GALNT17: variants seen among roughly 807,000 people sequenced by gnomAD.
GALNT17 encodes the protein UDP-GalNAc:polypeptide N-acetylgalactosaminyltransferase-like 3.
GALNT17 carries 29 observed loss-of-function variants against 63.7 expected under a neutral mutation model. That is an observed-to-expected ratio of 0.46 (90% CI 0.34 to 0.62). The LOEUF is 0.62. Ranked by LOEUF, GALNT17 falls within the 20% of genes least tolerant of loss-of-function variation. The pLI is 0.01. For missense variants in GALNT17, 603 were observed against 799.6 expected, an observed-to-expected ratio of 0.75 and a Z score of 2.97; for synonymous variants, 305 against 318.3, an observed-to-expected ratio of 0.96 and a Z score of 0.45.
chr7:71,466,915 CA>C (rs1423832182), intron 5 of GALNT17, among the ~76,000 whole-genome samples: 2 of 151,996 alleles, frequency 1.3e-5, no homozygotes, highest in African/African-American at 4.8e-5. Context: ...TGCATAAAAC[CA>C]TGTGCCCAAG....
At position 71,655,116 on chromosome 7, in the gene GALNT17, G is replaced by A. The variant is rs973414415; in HGVS notation, c.1081-10295G>A. On this transcript the variant is annotated intron_variant, in intron 6 of 10. Coordinates refer to ENST00000333538, the MANE Select transcript of GALNT17 (RefSeq NM_022479.3). The stretch of plus-strand genomic sequence containing the variant: ...CCTACAAAATATTCAAAAATTAGGC[G>A]TAGTAGTGTTCAGCTGTGGTCCCAG... Among the ~76,000 whole-genome samples, 6 of 152,150 alleles carry A rather than the reference G, an allele frequency of 3.9e-5. No individual in the cohort carries two copies. The East Asian group carries it at 7.8e-4, about 20-fold the overall frequency.
intron 6 of GALNT17, among the ~76,000 whole-genome samples, chr7:71,616,257 A>G (rs1215813987): frequency 6.6e-6 from 1 of 151,722 alleles, no homozygotes; most frequent in Admixed American, 6.6e-5. Flanking sequence ...CTGAAGCTGA[A>G]CTTGAAGACA....
chr7:71,472,657 G>A (rs568786410), intron 5 of GALNT17, among the ~76,000 whole-genome samples: 142 of 152,348 alleles, frequency 9.3e-4, no homozygotes, highest in African/African-American at 3.3e-3. Context: ...CTGCCCTCCA[G>A]CCTGGGGACA....
chr7:71,254,889 C>T (rs550269842), intron 1 of GALNT17, among the ~76,000 whole-genome samples: 1 of 152,310 alleles, frequency 6.6e-6, no homozygotes, highest in African/African-American at 2.4e-5. Context: ...ATCTTGTTGT[C>T]TGTCTGAGGA....
chr7:71,219,013 C>T (rs1789535468), intron 1 of GALNT17, among the ~76,000 whole-genome samples: 1 of 152,162 alleles, frequency 6.6e-6, no homozygotes, highest in Admixed American at 6.5e-5. Context: ...TTCTATGAAA[C>T]TTGTCCCTGG....
At chr7:71,341,741 C>T (rs1792008639) in intron 2 of GALNT17, among the ~76,000 whole-genome samples, 2 of 152,164 alleles carry the variant, frequency 1.3e-5, no homozygotes, top group African/African-American at 4.8e-5. Context: ...AATGTAGGCT[C>T]TTAACAATTT....
chr7:71,304,083 A>T (rs537965445), intron 1 of GALNT17, among the ~76,000 whole-genome samples: 98 of 152,186 alleles, frequency 6.4e-4, no homozygotes, highest in African/African-American at 2.3e-3. Context: ...TCTGCTCAAT[A>T]CCCTTGAGCA....
chr7:71,599,273 A>T (rs1789931602), intron 6 of GALNT17, among the ~76,000 whole-genome samples: 5 of 152,158 alleles, frequency 3.3e-5, no homozygotes, highest in Admixed American at 2.6e-4. Context: ...GTCCAATTGC[A>T]TTGGGAAGCC....
At position 71,710,890 on chromosome 7, in the gene GALNT17, G is replaced by A. The variant is rs143185553; in HGVS notation, c.1630G>A (p.Val544Ile). 5.8e-5 allele frequency: 94 copies of A among 1,613,948 alleles called. No homozygotes were observed. The African/African-American group carries it at 1.1e-3, about 20-fold the overall frequency. The change falls in exon 10 of 11, where the codon GTC becomes ATC. Residue 544 changes from valine (V) to isoleucine (I), a missense_variant. Val to Ile is a conservative substitution (Grantham distance 29, BLOSUM62 3). This residue lies in a region of GALNT17 where 72 missense variants were observed against 76.9 expected (regional missense o/e 0.94). Coordinates refer to ENST00000333538, the MANE Select transcript of GALNT17 (RefSeq NM_022479.3). ...GCCCCAGCTCCTGGACTGCGACAAG[G>A]TCAAGAGCAGCCTGTACAAGCGCTG... ...RLPQLLDCDK[V>I]KSSLYKRWNF...
chr7:71,655,134 G>C (rs1180628774), intron 6 of GALNT17, among the ~76,000 whole-genome samples: 1 of 151,992 alleles, frequency 6.6e-6, no homozygotes, highest in Non-Finnish European at 1.5e-5. Flanking sequence ...GTTCAGCTGT[G>C]GTCCCAGCTA....
At chr7:71,359,478 C>T (rs765240713) in intron 2 of GALNT17, among the ~76,000 whole-genome samples, 1 of 152,150 alleles carries the variant, frequency 6.6e-6, no homozygotes, top group Non-Finnish European at 1.5e-5. Context: ...GAGGGGTCGG[C>T]CCCATGACCC....
intron 6 of GALNT17, among the ~76,000 whole-genome samples, chr7:71,648,901 A>G (rs1437150275): frequency 6.6e-6 from 1 of 152,220 alleles, no homozygotes; most frequent in African/African-American, 2.4e-5. Context: ...TGACTCCAGG[A>G]CTATCTTTCT....
At chr7:71,207,454 A>G (rs1465273496) in intron 1 of GALNT17, among the ~76,000 whole-genome samples, 2 of 152,072 alleles carry the variant, frequency 1.3e-5, no homozygotes, top group African/African-American at 2.4e-5. Context: ...TTTGTCTTTT[A>G]TAGTGATGTG....
intron 9 of GALNT17, among the ~76,000 whole-genome samples, chr7:71,700,300 T>TC (rs1791612504): frequency 7.4e-6 from 1 of 135,948 alleles, no homozygotes; most frequent in Non-Finnish European, 1.6e-5. Flanking sequence ...ATAGTGAGAC[T>TC]TTCTCAAAAA....
At chr7:71,690,818 G>A (rs1048271559) in intron 9 of GALNT17, among the ~76,000 whole-genome samples, 22 of 152,274 alleles carry the variant, frequency 1.4e-4, no homozygotes, top group Middle Eastern at 3.4e-3. Context: ...AATGGAGCCC[G>A]TAGATGGGAC....
At chr7:71,229,342 A>G (rs958871904) in intron 1 of GALNT17, among the ~76,000 whole-genome samples, 3 of 152,190 alleles carry the variant, frequency 2.0e-5, no homozygotes, top group Admixed American at 6.5e-5. Flanking sequence ...CTGCCTTAGC[A>G]GACTGGCCAG....
intron 1 of GALNT17, among the ~76,000 whole-genome samples, chr7:71,195,036 G>A (rs1239663480): frequency 6.6e-6 from 1 of 152,168 alleles, no homozygotes; most frequent in Non-Finnish European, 1.5e-5. Flanking sequence ...TAAATGGGGA[G>A]GCAATAGTAG....
intron 5 of GALNT17, among the ~76,000 whole-genome samples, chr7:71,512,640 A>G (rs998317067): frequency 6.6e-6 from 1 of 152,080 alleles, no homozygotes; most frequent in Non-Finnish European, 1.5e-5. Context: ...TTGAGGCTGG[A>G]GCTATTTTTC....
At position 71,304,364 on chromosome 7, in the gene GALNT17, G is replaced by A. The variant is rs774661179; in HGVS notation, c.239-31186G>A. Among the ~76,000 whole-genome samples, 4 of 152,226 alleles carry A rather than the reference G, an allele frequency of 2.6e-5. No homozygotes were observed. The East Asian group carries it at 7.7e-4, about 29-fold the overall frequency. On this transcript the variant is annotated intron_variant, in intron 1 of 10. Transcript: ENST00000333538. ...ATCAGTGCGTATATAGAAACTGAAG[G>A]CATGGAGTGGGTGACAAAGTGGGTA...
Sources: allele counts gnomAD v4.1 joint callset (sites outside exome capture counted in the v4.1 genomes callset), GRCh38; gene constraint gnomAD v4.1.1; regional missense constraint gnomAD v4.1.1; transcripts MANE v1.5; gene names NCBI Gene and HGNC (gene_info 2026-07-23, HGNC 2026-07-21).